ANKDD1A: variants seen among roughly 807,000 people sequenced by gnomAD.
The protein encoded by ANKDD1A is ankyrin repeat and death domain containing 1A.
In ANKDD1A, 59 loss-of-function variants were observed where a neutral mutation model predicts 63.5. That is an observed-to-expected ratio of 0.93 (90% CI 0.75 to 1.15). The LOEUF (loss-of-function observed/expected upper bound fraction) is 1.15, where lower values mean the gene tolerates loss of function less well. ANKDD1A is among the 50% of genes most tolerant of loss of function. The pLI is 0.00. For synonymous variants in ANKDD1A, 266 were observed against 263.9 expected (o/e 1.01, Z -0.08); for missense variants, 632 against 656.4 (o/e 0.96, Z 0.41).
At chr15:64,954,204 A>T (rs1157670089) in intron 14 of ANKDD1A, among the ~76,000 whole-genome samples, 3 of 109,546 alleles carry the variant, frequency 2.7e-5, no homozygotes, top group African/African-American at 1.1e-4. Flanking sequence ...CTTGTTCCTT[A>T]TTCTTTTCTT....
chr15:64,951,721 C>CTTCCTTT (rs1595858590), intron 14 of ANKDD1A, among the ~76,000 whole-genome samples: 246 of 73,570 alleles, frequency 3.3e-3, no homozygotes, highest in African/African-American at 0.015. Flanking sequence ...CTTTTTCTTC[C>CTTCCTTT]CTTTTCTTCT....
At chr15:64,951,801 CTCTTTTCTTCTTTCTTCCT>C (rs2085287773) in intron 14 of ANKDD1A, among the ~76,000 whole-genome samples, 1 of 103,228 alleles carries the variant, frequency 9.7e-6, no homozygotes, top group Non-Finnish European at 2.0e-5. Flanking sequence ...TCTTTCTTTC[CTCTTTTCTTCTTTCTTCCT>C]CTTCTTCATC....
chr15:64,930,508 C>T (rs987101167), intron 6 of ANKDD1A, among the ~76,000 whole-genome samples: 5 of 152,114 alleles, frequency 3.3e-5, no homozygotes, highest in East Asian at 1.9e-4. Context: ...ACAGCCTGAG[C>T]GCAGGGGAGA....
intron 1 of ANKDD1A, among the ~76,000 whole-genome samples, chr15:64,913,788 A>C (rs1368312545): frequency 6.6e-6 from 1 of 152,186 alleles, no homozygotes; most frequent in East Asian, 1.9e-4. Context: ...CCCTGGATAC[A>C]CAAAGGGGCT....
chr15:64,943,762 C>T, intron 11 of ANKDD1A, 180 bp downstream of exon 11: 1 of 630,912 alleles, frequency 1.6e-6, no homozygotes, highest in Non-Finnish European at 2.8e-6. Context: ...CCACCTTCCC[C>T]TCTCTCTACT....
chr15:64,947,426 G>A lies in ANKDD1A; in HGVS notation c.1184G>A (p.Gly395Glu), dbSNP rs1337267365. 1 of 1,613,816 alleles carries A rather than the reference G, an allele frequency of 6.2e-7. No individual in the cohort carries two copies. The highest frequency in any genetic ancestry group is 1.3e-5 in the African/African-American group (1 of 74,910). The change falls in exon 13 of 15, where the codon GGG becomes GAG. Residue 395 changes from glycine to glutamate, a missense_variant. By Grantham distance (98) the Gly-to-Glu change is moderately conservative. Transcript: ENST00000319580. The stretch of plus-strand genomic sequence containing the variant: ...CAGGACCACCCCAGTGATCCCTCTG[G>A]GAAGAGCTTGTCCTTTAAGCAGGAC... ...WEKDHPSDPS[G>E]KSLSFKQDHR...
At chr15:64,954,721 C>CCTT (rs2085396061) in intron 14 of ANKDD1A, among the ~76,000 whole-genome samples, 1 of 99,752 alleles carries the variant, frequency 1.0e-5, no homozygotes, top group African/African-American at 3.4e-5. Flanking sequence ...TTCTCCTTCT[C>CCTT]CTCCTCCTTC....
intron 1 of ANKDD1A, among the ~76,000 whole-genome samples, chr15:64,915,117 C>T (rs1404265989): frequency 1.3e-5 from 2 of 152,204 alleles, no homozygotes; most frequent in Non-Finnish European, 2.9e-5. Flanking sequence ...CCAGCCTGGC[C>T]AACCTGGTGA....
chr15:64,952,715 CTTCT>C (rs1347329896), intron 14 of ANKDD1A, among the ~76,000 whole-genome samples: 6 of 130,440 alleles, frequency 4.6e-5, no homozygotes, highest in East Asian at 4.6e-4. Context: ...CTTCTCCTTT[CTTCT>C]TTCTTCTTCT....
chr15:64,947,283 G>C, intron 12 of ANKDD1A, 121 bp from the exon 13 acceptor site: 1 of 983,820 alleles, frequency 1.0e-6, no homozygotes, highest in Non-Finnish European at 1.5e-6. Context: ...GGCCCTTGCT[G>C]ACTCCAGCTC....
intron 6 of ANKDD1A, among the ~76,000 whole-genome samples, chr15:64,927,851 C>T (rs940785934): frequency 2.0e-5 from 3 of 152,048 alleles, no homozygotes; most frequent in South Asian, 2.1e-4. Flanking sequence ...GTGATCCACC[C>T]GCCTCAGCCT....
At chr15:64,931,697 C>A in intron 8 of ANKDD1A, 112 bp downstream of exon 8, 1 of 1,186,426 alleles carries the variant, frequency 8.4e-7, no homozygotes, top group Non-Finnish European at 1.2e-6. Context: ...GGCTTCGAGG[C>A]AGCAGACAAG....
intron 13 of ANKDD1A, 126 bp from the exon 14 acceptor site, chr15:64,949,715 G>A (rs887329678): frequency 3.3e-5 from 47 of 1,412,844 alleles, no homozygotes; most frequent in East Asian, 1.7e-4. Context: ...GGGCCTTGGA[G>A]GCTTTTGGCC....
chr15:64,940,811 T>G (rs1018872117), intron 9 of ANKDD1A, among the ~76,000 whole-genome samples: 1 of 152,112 alleles, frequency 6.6e-6, no homozygotes, highest in African/African-American at 2.4e-5. Context: ...GGATCATGGC[T>G]CACTGCAGCC....
chr15:64,951,699 C>CCTTATTCTTTTCTTTTTCTTCG (rs1689899540), intron 14 of ANKDD1A, among the ~76,000 whole-genome samples: 5 of 7,544 alleles, frequency 6.6e-4, no homozygotes, highest in South Asian at 7.9e-3. Flanking sequence ...TCCTCTTCTT[C>CCTTATTCTTTTCTTTTTCTTCG]TTCCTTATTT....
At chr15:64,950,933 T>C (rs1266160517) in intron 14 of ANKDD1A, 1 of 1,270,840 alleles carries the variant, frequency 7.9e-7, no homozygotes, top group East Asian at 6.0e-5. Context: ...ACAGAGGAAG[T>C]AAGATTCTTG....
At chr15:64,934,666 A>ATTTTTTTTTTT (rs557531003) in intron 9 of ANKDD1A, among the ~76,000 whole-genome samples, 1 of 119,890 alleles carries the variant, frequency 8.3e-6, no homozygotes, top group East Asian at 2.4e-4. Flanking sequence ...TGCCCAGCTA[A>ATTTTTTTTTTT]TTTTTTTTTT....
intron 14 of ANKDD1A, among the ~76,000 whole-genome samples, chr15:64,952,230 TCCTTTC>T (rs2085301817): frequency 6.7e-6 from 1 of 148,812 alleles, no homozygotes; most frequent in African/African-American, 2.5e-5. Context: ...TTCCTTCTCC[TCCTTTC>T]TTCTTCTTAT....
At chr15:64,947,341 C>T (rs1335466781) in intron 12 of ANKDD1A, 63 bp from the exon 13 acceptor site, 11 of 1,546,120 alleles carry the variant, frequency 7.1e-6, no homozygotes, top group Admixed American at 5.5e-5. Flanking sequence ...GGCCTCGGCT[C>T]GGCACTGCCC....
Sources: gnomAD v4.1 joint callset for allele counts (sites outside exome capture counted in the v4.1 genomes callset) on GRCh38, gnomAD v4.1.1 for gene constraint, MANE v1.5 for transcripts, NCBI Gene and HGNC (gene_info 2026-07-23, HGNC 2026-07-21) for gene names.